The following DLG1 variants were observed in gnomAD, a reference collection of about 807,000 sequenced individuals.
DLG1 encodes discs large MAGUK scaffold protein 1, also known as disks large homolog 1.
A neutral mutation model predicts 123.4 loss-of-function variants in DLG1; 42 were observed. The ratio of observed to expected loss-of-function variants is 0.34; its 90% CI spans 0.27 to 0.44. The LOEUF (loss-of-function observed/expected upper bound fraction) is 0.44, where lower values mean the gene tolerates loss of function less well. Ranked by LOEUF, DLG1 falls within the 20% of genes least tolerant of loss-of-function variation. The pLI, the probability that DLG1 is intolerant of heterozygous loss-of-function variation, is 1.00. For synonymous variants in DLG1, 317 were observed against 356.2 expected (o/e 0.89, Z 1.24); for missense variants, 942 against 1,082.6 (o/e 0.87, Z 1.82).
At chr3:197,240,176 A>G (rs1007961597) in intron 4 of DLG1, among the ~76,000 whole-genome samples, 1 of 152,194 alleles carries the variant, frequency 6.6e-6, no homozygotes, top group African/African-American at 2.4e-5. Flanking sequence ...CAAGCAAGAC[A>G]CTGAATCAGA....
chr3:197,158,657 A>AAAAAAAAAAAAAAAAAAC (rs1797498843), intron 5 of DLG1, among the ~76,000 whole-genome samples: 1 of 109,964 alleles, frequency 9.1e-6, no homozygotes, highest in Non-Finnish European at 1.9e-5. Flanking sequence ...AAAAAAAAAA[A>AAAAAAAAAAAAAAAAAAC]GCCCAGAGGC....
At chr3:197,274,522 C>T (rs760890517) in intron 4 of DLG1, among the ~76,000 whole-genome samples, 3 of 152,070 alleles carry the variant, frequency 2.0e-5, no homozygotes, top group East Asian at 1.9e-4. Context: ...CGACACGATA[C>T]GATACGAAAA....
At chr3:197,250,651 T>C (rs1403865061) in intron 4 of DLG1, among the ~76,000 whole-genome samples, 1 of 150,664 alleles carries the variant, frequency 6.6e-6, no homozygotes. Context: ...GAATATAAAG[T>C]GTATGGGAAT....
chr3:197,073,050 AT>A (rs1164661946), intron 18 of DLG1, among the ~76,000 whole-genome samples: 1 of 152,168 alleles, frequency 6.6e-6, no homozygotes, highest in Non-Finnish European at 1.5e-5. Flanking sequence ...ACCAAGTTTT[AT>A]CATTGTACTC....
At chr3:197,046,646 G>T (rs545960446) in intron 24 of DLG1, among the ~76,000 whole-genome samples, 1 of 152,288 alleles carries the variant, frequency 6.6e-6, no homozygotes, top group South Asian at 2.1e-4. Context: ...TCAAGGTGAA[G>T]GTGGGCGGAT....
chr3:197,043,813 GATTT>G lies in DLG1; in HGVS notation c.*806_*809del, dbSNP rs1328072160. 6.6e-6 allele frequency: 1 copy of G among 152,050 alleles called. No homozygotes were observed. Among genetic ancestry groups the G allele is most frequent in the Non-Finnish European group, 1.5e-5 (1 of 67,990 alleles). 9.4% of individuals were successfully genotyped at this position (152,050 alleles called of 1,614,324 possible). A position where few individuals can be genotyped will look rare whatever the true frequency, so the allele number is the denominator to read the frequency against. Reference sequence around the variant, plus strand: ...TTACTACGTCACCACTGTAACGTCTGATTTATCTGTATTTATATCTAGGAAATTT... The same window carrying G: ...TTACTACGTCACCACTGTAACGTCTGATCTGTATTTATATCTAGGAAATTT... On this transcript the variant is annotated 3_prime_UTR_variant, in exon 25 of 25. Coordinates refer to ENST00000667157, the MANE Select transcript of DLG1 (RefSeq NM_001366207.1).
At chr3:197,076,757 C>A in intron 17 of DLG1, 72 bp from the exon 18 acceptor site, 1 of 1,152,468 alleles carries the variant, frequency 8.7e-7, no homozygotes, top group Non-Finnish European at 1.3e-6. Context: ...AGCCTAGCAG[C>A]TCTGTGGAAG....
chr3:197,164,993 AAC>A (rs1387597380), intron 5 of DLG1, among the ~76,000 whole-genome samples: 1 of 152,190 alleles, frequency 6.6e-6, no homozygotes, highest in African/African-American at 2.4e-5. Flanking sequence ...TATCAGTACG[AAC>A]AGTTTATAAA....
chr3:197,050,902 T>C (rs1442819470), intron 24 of DLG1, among the ~76,000 whole-genome samples: 1 of 152,228 alleles, frequency 6.6e-6, no homozygotes, highest in Admixed American at 6.5e-5. Context: ...CTTGAATATA[T>C]ACGAATTTTG....
At chr3:197,260,657 C>G (rs142277274) in intron 4 of DLG1, among the ~76,000 whole-genome samples, 1 of 140,584 alleles carries the variant, frequency 7.1e-6, no homozygotes, top group African/African-American at 2.6e-5. Flanking sequence ...AGGAAGTCAT[C>G]TGATGAAATG....
At chr3:197,249,696 A>G (rs1435891298) in intron 4 of DLG1, among the ~76,000 whole-genome samples, 1 of 152,256 alleles carries the variant, frequency 6.6e-6, no homozygotes, top group East Asian at 1.9e-4. Context: ...ATTCAACCAC[A>G]TATTAAAAGG....
At position 197,296,328 on chromosome 3, in the gene DLG1, C is replaced by T. The variant is rs201788092; in HGVS notation, c.151+18G>A. On this transcript the variant is annotated intron_variant, in intron 3 of 24. Transcript: ENST00000667157. ...TAAAGCCTAGCTGGCATAATAGTTA[C>T]GAAGTTTTAATTCCCACCTATTAAA... The T allele has an allele frequency of 3.1e-6, 5 of 1,608,428 alleles. No individual in the cohort carries two copies. The highest frequency in any genetic ancestry group is 3.4e-6 in the Non-Finnish European group (4 of 1,175,620).
chr3:197,155,294 A>G (rs1331913220), intron 5 of DLG1, among the ~76,000 whole-genome samples: 1 of 152,168 alleles, frequency 6.6e-6, no homozygotes, highest in African/African-American at 2.4e-5. Flanking sequence ...AAATAAGACG[A>G]AAAAAACCCA....
chr3:197,168,992 G>A (rs1802749425), intron 5 of DLG1, among the ~76,000 whole-genome samples: 1 of 152,114 alleles, frequency 6.6e-6, no homozygotes, highest in African/African-American at 2.4e-5. Flanking sequence ...CAAATGGATG[G>A]CTATCTGAAC....
chr3:197,106,052 A>G (rs553409112), intron 13 of DLG1, among the ~76,000 whole-genome samples: 1 of 152,348 alleles, frequency 6.6e-6, no homozygotes, highest in South Asian at 2.1e-4. Context: ...TTTTAACCAT[A>G]TAAAGATCTG....
rs1007098512 is a variant in DLG1 at position 197,158,379 on chromosome 3, T to C, written c.484-8583A>G. Among the ~76,000 whole-genome samples, 4 of 151,590 alleles carry C rather than the reference T, an allele frequency of 2.6e-5. No homozygotes were observed. The South Asian group carries it at 6.2e-4, about 24-fold the overall frequency. ...GGCTCATGCCTGTAATCCCAGCACT[T>C]TGGGAGGCCGAGGCAGGCGGACTAC... On this transcript the variant is annotated intron_variant, in intron 5 of 24. Transcript: ENST00000667157.
At chr3:197,143,275 TG>T (rs1788969929) in intron 6 of DLG1, among the ~76,000 whole-genome samples, 1 of 148,232 alleles carries the variant, frequency 6.7e-6, no homozygotes, top group African/African-American at 2.5e-5. Flanking sequence ...TTTTTTGAGA[TG>T]GAGTCTCGCT....
Position 197,085,586 on chromosome 3 carries a change from T to A in DLG1, c.1832A>T (p.Lys611Ile), listed in dbSNP as rs763877437. Residue 611 changes from lysine (K) to isoleucine (I), a missense_variant, in exon 16 of 25, where the codon AAA becomes ATA. Physicochemically the swap from Lys to Ile is moderately radical, Grantham distance 102. Transcript: ENST00000667157. ...TGGTAAGAAACAGGCATACCTGCGTTTACTGGGAATCACTCCGACCTCATC... is the reference window on the plus strand; with the variant it reads ...TGGTAAGAAACAGGCATACCTGCGTATACTGGGAATCACTCCGACCTCATC... ...ESDEVGVIPS[K>I]RRVEKKERAR... 1.5e-5 allele frequency: 24 copies of A among 1,613,856 alleles called. No individual in the cohort carries two copies. Among genetic ancestry groups the A allele is most frequent in the Non-Finnish European group, 1.8e-5 (21 of 1,179,982 alleles).
At chr3:197,092,111 A>G (rs1357400428) in intron 14 of DLG1, among the ~76,000 whole-genome samples, 1 of 152,224 alleles carries the variant, frequency 6.6e-6, no homozygotes, top group Non-Finnish European at 1.5e-5. Flanking sequence ...TGTATCCATC[A>G]TAATTAAATA....
Sources: gnomAD v4.1 joint callset for allele counts (sites outside exome capture counted in the v4.1 genomes callset) on GRCh38, gnomAD v4.1.1 for gene constraint, MANE v1.5 for transcripts, NCBI Gene and HGNC (gene_info 2026-07-23, HGNC 2026-07-21) for gene names.